Variants in DIP2C observed in about 807,000 individuals in gnomAD.
The protein encoded by DIP2C is disco-interacting protein 2 homolog C.
A neutral mutation model predicts 192.4 loss-of-function variants in DIP2C; 33 were observed. The observed-to-expected ratio is 0.17, with a 90% CI of 0.13 to 0.23. The LOEUF (loss-of-function observed/expected upper bound fraction) is 0.23. Ranked by LOEUF, DIP2C falls within the 10% of genes least tolerant of loss-of-function variation. The pLI, the probability that DIP2C is intolerant of heterozygous loss-of-function variation, is 1.00. For synonymous variants in DIP2C, 979 were observed against 864.1 expected, an observed-to-expected ratio of 1.13 and a Z score of -2.33; for missense variants, 1,537 against 2,110.1, an observed-to-expected ratio of 0.73 and a Z score of 5.32.
At chr10:309,990 A>C (rs374162032) in intron 32 of DIP2C, 41 bp downstream of exon 32, 1 of 1,598,502 alleles carries the variant, frequency 6.3e-7, no homozygotes, top group African/African-American at 1.3e-5. Flanking sequence ...AGAACAAAAC[A>C]AAAAAAGGAA....
intron 1 of DIP2C, among the ~76,000 whole-genome samples, chr10:521,516 C>CT (rs1409543905): frequency 6.6e-6 from 1 of 152,212 alleles, no homozygotes; most frequent in Non-Finnish European, 1.5e-5. Flanking sequence ...AGCCCTGCTG[C>CT]TCACTGGGGT....
At chr10:488,392 T>C (rs1006423271) in intron 1 of DIP2C, among the ~76,000 whole-genome samples, 8 of 152,282 alleles carry the variant, frequency 5.3e-5, no homozygotes, top group East Asian at 1.9e-4. Context: ...AAGTGTTTAA[T>C]CCTTATAAGA....
chr10:279,209 A>C (rs1440153203), intron 36 of DIP2C, among the ~76,000 whole-genome samples: 1 of 152,212 alleles, frequency 6.6e-6, no homozygotes, highest in Non-Finnish European at 1.5e-5. Context: ...AATTCCTGTC[A>C]TACTGCTCCT....
chr10:597,412 G>GAAAC (rs1851773981), intron 1 of DIP2C, among the ~76,000 whole-genome samples: 2 of 152,166 alleles, frequency 1.3e-5, no homozygotes, highest in South Asian at 4.2e-4. Flanking sequence ...CCTAGAAGTG[G>GAAAC]TCTTCAGAGT....
chr10:541,630 C>T (rs1423366580), intron 1 of DIP2C, among the ~76,000 whole-genome samples: 4 of 150,214 alleles, frequency 2.7e-5, no homozygotes, highest in Admixed American at 2.0e-4. Context: ...CTCTCCTGGA[C>T]CCCACAGCGT....
chr10:410,048 T>G (rs569154261), intron 8 of DIP2C, among the ~76,000 whole-genome samples: 2 of 152,360 alleles, frequency 1.3e-5, no homozygotes, highest in African/African-American at 4.8e-5. Flanking sequence ...TTTCCCTCTT[T>G]TAAATCCAAA....
At chr10:465,727 A>G (rs1970143035) in intron 3 of DIP2C, among the ~76,000 whole-genome samples, 1 of 151,900 alleles carries the variant, frequency 6.6e-6, no homozygotes, top group Non-Finnish European at 1.5e-5. Context: ...AATCACAAGC[A>G]TTCTTATACA....
chr10:678,818 G>A (rs12777383), intron 1 of DIP2C, among the ~76,000 whole-genome samples: 12 of 12,096 alleles, frequency 9.9e-4, no homozygotes, highest in South Asian at 3.5e-3. Context: ...TGCTCCCCGC[G>A]CCCATGCTCC....
chr10:677,290 A>G (rs994194383), intron 1 of DIP2C, among the ~76,000 whole-genome samples: 3 of 152,186 alleles, frequency 2.0e-5, no homozygotes, highest in African/African-American at 7.2e-5. Context: ...GGCAGGAAAG[A>G]CACACTAGCC....
At chr10:560,663 G>T (rs954930335) in intron 1 of DIP2C, among the ~76,000 whole-genome samples, 42 of 152,160 alleles carry the variant, frequency 2.8e-4, no homozygotes, top group African/African-American at 8.9e-4. Flanking sequence ...ATTACCACAC[G>T]GGCTATCATC....
intron 3 of DIP2C, among the ~76,000 whole-genome samples, chr10:458,701 T>C (rs1969508328): frequency 6.8e-6 from 1 of 147,304 alleles, no homozygotes; most frequent in Non-Finnish European, 1.5e-5. Context: ...CATGGCAGAG[T>C]GCTCGGAACC....
intron 1 of DIP2C, among the ~76,000 whole-genome samples, chr10:547,325 C>T (rs566473688): frequency 5.3e-5 from 8 of 152,274 alleles, no homozygotes; most frequent in Middle Eastern, 3.4e-3. Flanking sequence ...GAAAGCCCTC[C>T]CAGGCCCAGC....
chr10:602,564 G>A (rs142745518), intron 1 of DIP2C, among the ~76,000 whole-genome samples: 2 of 152,336 alleles, frequency 1.3e-5, no homozygotes, highest in African/African-American at 4.8e-5. Context: ...CCAGTGAGAT[G>A]TTGCCGTCTG....
At chr10:481,656 C>G (rs1476076546) in intron 2 of DIP2C, among the ~76,000 whole-genome samples, 1 of 152,248 alleles carries the variant, frequency 6.6e-6, no homozygotes, top group East Asian at 1.9e-4. Flanking sequence ...AAAAATAAAA[C>G]TGCAGCCCAG....
intron 1 of DIP2C, among the ~76,000 whole-genome samples, chr10:543,045 G>A (rs556254165): frequency 1.3e-3 from 200 of 151,716 alleles, no homozygotes; most frequent in African/African-American, 4.7e-3. Context: ...CCAAAAGTCA[G>A]AAACATTGAG....
At chr10:420,525 C>T (rs758810681) in intron 5 of DIP2C, among the ~76,000 whole-genome samples, 4 of 152,200 alleles carry the variant, frequency 2.6e-5, no homozygotes, top group Non-Finnish European at 4.4e-5. Flanking sequence ...AAGTCCTCAG[C>T]GGACTTGGAT....
chr10:399,022 G>A (rs1964204959), intron 10 of DIP2C, 87 bp downstream of exon 10: 1 of 1,155,976 alleles, frequency 8.7e-7, no homozygotes, highest in Non-Finnish European at 1.3e-6. Flanking sequence ...CCCAGAAACA[G>A]CGAGGAGACC....
intron 1 of DIP2C, among the ~76,000 whole-genome samples, chr10:617,007 CTG>C (rs1853514180): frequency 6.6e-6 from 1 of 152,130 alleles, no homozygotes; most frequent in South Asian, 2.1e-4. Context: ...CAGGGAGGGA[CTG>C]AGATTTCACA....
At chr10:467,961 T>C (rs937184972) in intron 3 of DIP2C, among the ~76,000 whole-genome samples, 5 of 152,076 alleles carry the variant, frequency 3.3e-5, no homozygotes, top group African/African-American at 1.2e-4. Context: ...ATAAAAAATA[T>C]ATATAAATTA....
Sources: gnomAD v4.1 joint callset for allele counts (sites outside exome capture counted in the v4.1 genomes callset) on GRCh38, gnomAD v4.1.1 for gene constraint, MANE v1.5 for transcripts, NCBI Gene and HGNC (gene_info 2026-07-23, HGNC 2026-07-21) for gene names.